NRIP3: variants seen among roughly 807,000 people sequenced by gnomAD.
NRIP3 encodes the protein nuclear receptor interacting protein 3.
A neutral mutation model predicts 29.0 loss-of-function variants in NRIP3; 31 were observed. The observed-to-expected ratio is 1.07, with a 90% CI of 0.80 to 1.44. The LOEUF (loss-of-function observed/expected upper bound fraction) is 1.44. Ranked by LOEUF, NRIP3 falls within the 40% of genes most tolerant of loss-of-function variation. The pLI, the probability that NRIP3 is intolerant of heterozygous loss-of-function variation, is 0.00. For missense variants in NRIP3, 314 were observed against 297.9 expected, an observed-to-expected ratio of 1.05 and a Z score of -0.40; for synonymous variants, 131 against 118.3, an observed-to-expected ratio of 1.11 and a Z score of -0.70.
At chr11:9,004,141 TCCCCTGCTCA>T (rs1854871652), upstream of NRIP3, 2 of 413,224 alleles carry the variant, frequency 4.8e-6, no homozygotes, top group African/African-American at 4.2e-5. Context: ...GCGTCCCGCG[TCCCCTGCTCA>T]CCCGGTGGCA....
rs181049175 is a variant in NRIP3, at chr11:8,984,434, T to A, written c.563-310A>T. ...CCCACCACCACGCTTGGCTAATTTGTGTATTTTTAGTAGAGACAGGGTTTT... is the reference window on the plus strand; with the variant it reads ...CCCACCACCACGCTTGGCTAATTTGAGTATTTTTAGTAGAGACAGGGTTTT... On this transcript the variant is annotated intron_variant, in intron 4 of 6. Coordinates refer to ENST00000309166, the MANE Select transcript of NRIP3 (RefSeq NM_020645.3). Among the ~76,000 whole-genome samples, 430 of 152,150 alleles carry A rather than the reference T, an allele frequency of 2.8e-3. 1 individual carries two copies. The highest frequency in any genetic ancestry group is 3.1e-3 in the Non-Finnish European group (211 of 67,988).
At chr11:9,003,156 C>T (rs1336595625) in intron 1 of NRIP3, among the ~76,000 whole-genome samples, 1 of 152,164 alleles carries the variant, frequency 6.6e-6, no homozygotes, top group South Asian at 2.1e-4. Context: ...GGGGGCGGGG[C>T]TGGAAGAGGA....
chr11:9,004,024 C>T (rs1589967870), upstream of NRIP3: 3 of 1,259,764 alleles, frequency 2.4e-6, no homozygotes, highest in East Asian at 9.5e-5. Flanking sequence ...CCGAGCCGCG[C>T]CTTTTATAGC....
At chr11:9,003,482 G>A (rs778383403) in intron 1 of NRIP3, among the ~76,000 whole-genome samples, 4 of 152,240 alleles carry the variant, frequency 2.6e-5, no homozygotes, top group Non-Finnish European at 4.4e-5. Context: ...GAAGACCCGA[G>A]GGCAAGAGGG....
chr11:8,985,829 G>C lies in NRIP3; in HGVS notation c.444C>G (p.Ser148=). 1.2e-6 allele frequency: 2 copies of C among 1,614,080 alleles called. No individual in the cohort carries two copies. The highest frequency in any genetic ancestry group is 1.7e-6 in the Non-Finnish European group (2 of 1,180,012). Residue 148 remains serine (S), a synonymous_variant, in exon 4 of 7, where the codon TCC becomes TCG. Coordinates refer to ENST00000309166, the MANE Select transcript of NRIP3 (RefSeq NM_020645.3). ...DRLGLKEHVK[S]HKHEGEKLSL... The stretch of plus-strand genomic sequence containing the variant: ...AAAGCTTTTCTCCTTCATGCTTGTG[G>C]GATTTGACATGCTCCTTGAGTCTGT...
Position 8,982,894 on chromosome 11 carries a change from T to C in NRIP3, c.*651A>G, listed in dbSNP as rs977417683. The C allele has an allele frequency of 6.7e-6, 3 of 450,064 alleles. No individual in the cohort carries two copies. The highest frequency in any genetic ancestry group is 6.1e-5 in the African/African-American group (3 of 49,476). 27.9% of individuals were successfully genotyped at this position (450,064 alleles called of 1,614,324 possible). On this transcript the variant is annotated 3_prime_UTR_variant, in exon 7 of 7. Coordinates refer to ENST00000309166, the MANE Select transcript of NRIP3 (RefSeq NM_020645.3). ...CTCCTGTTAAAGGCTTGAATACAAA[T>C]GAGGCAGCATGGGAGTCTTGGCTTG...
At chr11:8,987,998 G>C in intron 2 of NRIP3, 120 bp downstream of exon 2, 1 of 858,648 alleles carries the variant, frequency 1.2e-6, no homozygotes. Context: ...GTTGCATGGA[G>C]TGCCCCTTTT....
intron 3 of NRIP3, among the ~76,000 whole-genome samples, chr11:8,986,635 A>T (rs1425784349): frequency 1.3e-5 from 2 of 152,242 alleles, no homozygotes; most frequent in East Asian, 3.8e-4. Flanking sequence ...TTCCTCTGGA[A>T]TCATGGCAGT....
chr11:8,987,496 A>G (rs1854536397), intron 3 of NRIP3, 52 bp downstream of exon 3: 2 of 1,271,490 alleles, frequency 1.6e-6, no homozygotes, highest in Admixed American at 3.4e-5. Context: ...AATAGAGTCA[A>G]GCGAAGAGTA....
intron 6 of NRIP3, 65 bp downstream of exon 6, chr11:8,983,810 C>T (rs1854460799): frequency 1.3e-5 from 18 of 1,368,320 alleles, no homozygotes; most frequent in Non-Finnish European, 1.7e-5. Context: ...CTGAGAACCA[C>T]CACCACCCTG....
At position 9,003,177 on chromosome 11, in the gene NRIP3, G is replaced by A. The variant is rs1854839169; in HGVS notation, c.174+585C>T. On this transcript the variant is annotated intron_variant, in intron 1 of 6. Coordinates refer to ENST00000309166, the MANE Select transcript of NRIP3 (RefSeq NM_020645.3). Reference sequence around the variant, plus strand: ...GGGGCTGGAAGAGGAGAATGATGAAGAGATGTTGGGGGTTCAGGAAACCTT... The same window carrying A: ...GGGGCTGGAAGAGGAGAATGATGAAAAGATGTTGGGGGTTCAGGAAACCTT... Among the ~76,000 whole-genome samples the A allele has an allele frequency of 3.3e-5, 5 of 152,302 alleles. No individual in the cohort carries two copies. In the South Asian group the frequency reaches 1.0e-3, roughly 32 times the overall value.
At chr11:8,984,254 TTTTTTTTA>T in intron 4 of NRIP3, 130 bp from the exon 5 acceptor site, 8 of 372,638 alleles carry the variant, frequency 2.1e-5, no homozygotes. Context: ...ATGTGTTATT[TTTTTTTTA>T]TTTTTTTTTT....
At chr11:9,004,033 G>T, upstream of NRIP3, 1 of 1,222,482 alleles carries the variant, frequency 8.2e-7, no homozygotes, top group Non-Finnish European at 1.1e-6. Flanking sequence ...GCCTTTTATA[G>T]CCGAGCGTGA....
chr11:8,992,972 C>G (rs1007375155), intron 1 of NRIP3, among the ~76,000 whole-genome samples: 1 of 152,024 alleles, frequency 6.6e-6, no homozygotes, highest in African/African-American at 2.4e-5. Context: ...TCAATCAAGA[C>G]TCAAGAAAGT....
At chr11:8,989,668 T>G (rs1475042060) in intron 1 of NRIP3, among the ~76,000 whole-genome samples, 2 of 152,200 alleles carry the variant, frequency 1.3e-5, no homozygotes, top group Non-Finnish European at 2.9e-5. Context: ...AATGAGAGCT[T>G]CTTAGCTTGA....
At chr11:8,985,336 A>T (rs2316521) in intron 4 of NRIP3, among the ~76,000 whole-genome samples, 27,899 of 150,970 alleles carry the variant, frequency 0.18, 2,763 homozygotes, top group East Asian at 0.36. Context: ...CGCCTGGCTA[A>T]TTTTTTGTAT....
chr11:8,996,266 CT>C (rs1346475927), intron 1 of NRIP3, among the ~76,000 whole-genome samples: 1 of 126,068 alleles, frequency 7.9e-6, no homozygotes, highest in Non-Finnish European at 1.6e-5. Context: ...TTCAAAAAGC[CT>C]TTTTTTCCTT....
At chr11:8,994,825 C>T (rs1005295899) in intron 1 of NRIP3, among the ~76,000 whole-genome samples, 2 of 152,140 alleles carry the variant, frequency 1.3e-5, no homozygotes, top group Non-Finnish European at 2.9e-5. Flanking sequence ...TATCTTTGGT[C>T]CTTTGTCACT....
At position 8,987,734 on chromosome 11, in the gene NRIP3, G is replaced by C. The variant is rs1178412611; in HGVS notation, c.340-104C>G. ...GTCATATGAAAGGCAGGGTTGGAGA[G>C]CATCCTCCCAATTATGGGTTATAGT... On this transcript the variant is annotated intron_variant, in intron 2 of 6. Transcript: ENST00000309166. The C allele has an allele frequency of 4.6e-6, 4 of 874,512 alleles. No homozygotes were observed. In the African/African-American group the frequency reaches 4.9e-5, roughly 11 times the overall value. The allele number at this position is 874,512 out of a possible 1,614,324, so 54.2% of individuals were successfully genotyped here.
Sources: allele counts gnomAD v4.1 joint callset (sites outside exome capture counted in the v4.1 genomes callset), GRCh38; gene constraint gnomAD v4.1.1; transcripts MANE v1.5; gene names NCBI Gene and HGNC (gene_info 2026-07-23, HGNC 2026-07-21).